ATRNL1: variants seen among roughly 807,000 people sequenced by gnomAD.
ATRNL1 encodes attractin-like protein 1.
Under a neutral mutation model 182.7 loss-of-function variants are expected in ATRNL1, and 95 were observed. The observed-to-expected ratio is 0.52, with a 90% CI of 0.44 to 0.62. The LOEUF (loss-of-function observed/expected upper bound fraction) is 0.62, where lower values mean the gene tolerates loss of function less well. ATRNL1 is among the 20% of genes least tolerant of loss of function. The probability of loss-of-function intolerance (pLI) is 0.00; values close to 1 mark genes in which losing one functional copy is unlikely to be tolerated. For missense variants in ATRNL1, 1,471 were observed against 1,679.5 expected (o/e 0.88, Z 2.17); for synonymous variants, 576 against 568.3 (o/e 1.01, Z -0.19).
At chr10:115,192,781 A>G (rs1449470130) in intron 8 of ATRNL1, among the ~76,000 whole-genome samples, 1 of 151,774 alleles carries the variant, frequency 6.6e-6, no homozygotes, top group Non-Finnish European at 1.5e-5. Context: ...GAGATCTTTC[A>G]CTTCTTTGGT....
At chr10:115,462,548 G>A (rs996412758) in intron 22 of ATRNL1, among the ~76,000 whole-genome samples, 1 of 152,026 alleles carries the variant, frequency 6.6e-6, no homozygotes, top group African/African-American at 2.4e-5. Context: ...GGAGGTGGAG[G>A]TTGCAGTGAG....
In ATRNL1 at chr10:115,426,663, A is replaced by G. The variant is rs941200369; in HGVS notation, c.3322+361A>G. ...ATTTTGGGCATTACTAAAAGGCTGC[A>G]CTGATTTTGTACCAACAGATGCTTT... On this transcript the variant is annotated intron_variant, in intron 21 of 28. Coordinates refer to ENST00000355044, the MANE Select transcript of ATRNL1 (RefSeq NM_207303.4). Among the ~76,000 whole-genome samples, 3 of 152,300 alleles carry G rather than the reference A, an allele frequency of 2.0e-5. No individual in the cohort carries two copies. The South Asian group carries it at 6.2e-4, about 32-fold the overall frequency.
chr10:115,360,705 G>C (rs1299192089), intron 19 of ATRNL1, among the ~76,000 whole-genome samples: 1 of 151,344 alleles, frequency 6.6e-6, no homozygotes, highest in Non-Finnish European at 1.5e-5. Context: ...TACATTTGCA[G>C]AATGTGGAGG....
intron 24 of ATRNL1, among the ~76,000 whole-genome samples, chr10:115,480,179 A>G (rs1400417489): frequency 6.7e-6 from 1 of 149,342 alleles, no homozygotes; most frequent in Non-Finnish European, 1.5e-5. Flanking sequence ...CAAATAAATT[A>G]GCATTTTCAA....
At chr10:115,790,034 C>T (rs1949490278) in intron 27 of ATRNL1, among the ~76,000 whole-genome samples, 1 of 151,914 alleles carries the variant, frequency 6.6e-6, no homozygotes, top group South Asian at 2.1e-4. Flanking sequence ...GTTTTGTTAG[C>T]CAGAGAATAA....
At position 115,584,796 on chromosome 10, in the gene ATRNL1, G is replaced by C. The variant is rs187938595; in HGVS notation, c.3795+35260G>C. Among the ~76,000 whole-genome samples, 1,441 of 152,122 alleles carry C rather than the reference G, an allele frequency of 9.5e-3. 22 individuals are homozygous for C. The highest frequency in any genetic ancestry group is 0.033 in the African/African-American group (1,360 of 41,490). ...TATTTCTTGCCTTCTGCTAGGTTTT[G>C]AATGTGTTTGCTCTTGCTTTTCTAG... On this transcript the variant is annotated intron_variant, in intron 26 of 28. Transcript: ENST00000355044.
chr10:115,827,028 A>G (rs974310168), intron 27 of ATRNL1, among the ~76,000 whole-genome samples: 2 of 152,112 alleles, frequency 1.3e-5, no homozygotes, highest in African/African-American at 4.8e-5. Flanking sequence ...CATACATCAA[A>G]AAGCTACATA....
intron 27 of ATRNL1, among the ~76,000 whole-genome samples, chr10:115,742,830 C>G (rs1274422679): frequency 3.3e-5 from 5 of 152,080 alleles, no homozygotes; most frequent in African/African-American, 1.2e-4. Flanking sequence ...TCAGAATTCC[C>G]CAATGGCTTC....
intron 28 of ATRNL1, among the ~76,000 whole-genome samples, chr10:115,914,652 C>T (rs903523637): frequency 2.0e-5 from 3 of 152,212 alleles, no homozygotes; most frequent in African/African-American, 4.8e-5. Flanking sequence ...GGTACTTCCC[C>T]ATGCTGAAGG....
At chr10:115,725,807 C>T (rs1460282153) in intron 26 of ATRNL1, among the ~76,000 whole-genome samples, 1 of 152,072 alleles carries the variant, frequency 6.6e-6, no homozygotes, top group Non-Finnish European at 1.5e-5. Flanking sequence ...TTTCCCATTC[C>T]TATTGAGAGA....
In ATRNL1 at chr10:115,738,125, G is replaced by GTTTTTTTTTTTTT. The variant is rs1565334914; in HGVS notation, c.3903+10770_3903+10771insTTTTTTTTTTTTT. On this transcript the variant is annotated intron_variant, in intron 27 of 28. Coordinates refer to ENST00000355044, the MANE Select transcript of ATRNL1 (RefSeq NM_207303.4). Reference sequence around the variant, plus strand: ...CATAAAAAATGATTTAGAAGATAATGATTTTTTTTTTTTTTTTTTTTTTTT... The same window carrying GTTTTTTTTTTTTT: ...CATAAAAAATGATTTAGAAGATAATGTTTTTTTTTTTTTATTTTTTTTTTTTTTTTTTTTTTTT... Among the ~76,000 whole-genome samples, 4 of 53,150 alleles carry GTTTTTTTTTTTTT rather than the reference G, an allele frequency of 7.5e-5. 1 individual carries two copies. The highest frequency in any genetic ancestry group is 1.7e-4 in the African/African-American group (3 of 17,480). 34.9% of individuals were successfully genotyped at this position (53,150 alleles called of 152,430 possible). A position where few individuals can be genotyped will look rare whatever the true frequency, so the allele number is the denominator to read the frequency against.
intron 9 of ATRNL1, among the ~76,000 whole-genome samples, chr10:115,237,160 T>G (rs1302764293): frequency 1.3e-5 from 2 of 152,218 alleles, no homozygotes; most frequent in Non-Finnish European, 2.9e-5. Flanking sequence ...GAAGAACATC[T>G]TGGTTGCCTC....
intron 26 of ATRNL1, among the ~76,000 whole-genome samples, chr10:115,628,359 G>A (rs1384972713): frequency 1.3e-5 from 2 of 151,586 alleles, no homozygotes; most frequent in African/African-American, 4.9e-5. Flanking sequence ...ATGCTTCTTG[G>A]CCATTTGTAT....
intron 1 of ATRNL1, among the ~76,000 whole-genome samples, chr10:115,119,083 T>G (rs181344011): frequency 8.7e-4 from 133 of 152,274 alleles, no homozygotes; most frequent in African/African-American, 3.1e-3. Context: ...TAGAAAATGC[T>G]TAAGTTATTA....
Position 115,215,820 on chromosome 10 carries a change from C to A in ATRNL1, c.1472C>A (p.Pro491Gln). The A allele has an allele frequency of 6.2e-7, 1 of 1,602,078 alleles. No homozygotes were observed. Among genetic ancestry groups the A allele is most frequent in the Non-Finnish European group, 8.5e-7 (1 of 1,175,668 alleles). ...IYVHGGYKAL[P>Q]GNKYGLVDDL... Reference sequence around the variant, plus strand: ...GTTCATGGAGGGTATAAAGCATTGCCAGGGAACAAATATGGATTGGTTGAT... The same window carrying A: ...GTTCATGGAGGGTATAAAGCATTGCAAGGGAACAAATATGGATTGGTTGAT... Residue 491 changes from proline (P) to glutamine (Q), a missense_variant, in exon 9 of 29, where the codon CCA becomes CAA. Pro to Gln is a moderately conservative substitution (Grantham distance 76). Around this residue, in one of 3 missense-constraint regions of ATRNL1, gnomAD observed 1,031 missense variants for 1,156.0 expected, o/e 0.89. Transcript: ENST00000355044.
intron 2 of ATRNL1, 58 bp downstream of exon 2, chr10:115,120,326 C>T: frequency 1.1e-6 from 1 of 901,966 alleles, no homozygotes; most frequent in Non-Finnish European, 1.7e-6. Flanking sequence ...TAAAGGTGAT[C>T]ATATTAATGT....
chr10:115,627,595 A>C (rs1211796435), intron 26 of ATRNL1, among the ~76,000 whole-genome samples: 1 of 152,024 alleles, frequency 6.6e-6, no homozygotes, highest in East Asian at 1.9e-4. Flanking sequence ...TGAACTGCTG[A>C]CCTCAAGTGA....
chr10:115,132,368 G>C (rs1187627253), intron 5 of ATRNL1, among the ~76,000 whole-genome samples: 1 of 152,030 alleles, frequency 6.6e-6, no homozygotes, highest in Non-Finnish European at 1.5e-5. Context: ...CTTTGCTATT[G>C]TGAATAGTGC....
At chr10:115,313,038 T>A (rs987099107) in intron 17 of ATRNL1, among the ~76,000 whole-genome samples, 5 of 151,860 alleles carry the variant, frequency 3.3e-5, no homozygotes, top group African/African-American at 1.2e-4. Context: ...TCCTGAATTG[T>A]TTTTTTACAT....
Sources: gnomAD v4.1 joint callset for allele counts (sites outside exome capture counted in the v4.1 genomes callset) on GRCh38, gnomAD v4.1.1 for gene constraint, gnomAD v4.1.1 regional missense constraint, MANE v1.5 for transcripts, NCBI Gene and HGNC (gene_info 2026-07-23, HGNC 2026-07-21) for gene names.